ESR1: variants seen among roughly 807,000 people sequenced by gnomAD.
The protein encoded by ESR1 is estrogen receptor 1, also known as estrogen receptor.
ESR1 carries 12 observed loss-of-function variants against 52.7 expected under a neutral mutation model. The ratio of observed to expected loss-of-function variants is 0.23; its 90% CI spans 0.15 to 0.37. The LOEUF is 0.37. Ranked by LOEUF, ESR1 falls within the 10% of genes least tolerant of loss-of-function variation. The probability of loss-of-function intolerance (pLI) is 1.00; values close to 1 mark genes in which losing one functional copy is unlikely to be tolerated. For synonymous variants in ESR1, 305 were observed against 316.8 expected (o/e 0.96, Z 0.39); for missense variants, 584 against 779.7 (o/e 0.75, Z 2.99).
chr6:151,818,786 A>G (rs181458641), intron 1 of ESR1, among the ~76,000 whole-genome samples: 1 of 149,612 alleles, frequency 6.7e-6, no homozygotes, highest in East Asian at 2.0e-4. Flanking sequence ...TGTACTACCT[A>G]AAGTGTGTAT....
At chr6:151,789,950 A>C (rs536812690) in intron 2 of ESR1, among the ~76,000 whole-genome samples, 32 of 152,172 alleles carry the variant, frequency 2.1e-4, no homozygotes, top group Admixed American at 5.9e-4. Flanking sequence ...CGTTGGCGTG[A>C]GTTGTTGTTG....
chr6:152,034,362 G>C (rs1421613402), intron 5 of ESR1, among the ~76,000 whole-genome samples: 2 of 152,000 alleles, frequency 1.3e-5, no homozygotes, highest in Non-Finnish European at 2.9e-5. Context: ...TTAGGGGCCT[G>C]TTCATACATA....
At chr6:151,773,028 A>G (rs1785641650) in intron 2 of ESR1, among the ~76,000 whole-genome samples, 1 of 152,196 alleles carries the variant, frequency 6.6e-6, no homozygotes. Context: ...AAACCCCAGT[A>G]TCCTAGAATG....
intron 3 of ESR1, among the ~76,000 whole-genome samples, chr6:151,898,929 G>C (rs1160764391): frequency 1.3e-5 from 2 of 152,018 alleles, no homozygotes; most frequent in African/African-American, 4.8e-5. Context: ...CCTCCCAGAC[G>C]GGGTGGTGGC....
At chr6:151,957,285 C>T (rs184578015) in intron 4 of ESR1, among the ~76,000 whole-genome samples, 27 of 152,016 alleles carry the variant, frequency 1.8e-4, no homozygotes, top group East Asian at 3.9e-4. Context: ...TTGGTGATTT[C>T]GAGGATTTGG....
intron 2 of ESR1, among the ~76,000 whole-genome samples, chr6:151,867,440 CACAA>C (rs1489051864): frequency 1.3e-5 from 2 of 151,690 alleles, no homozygotes; most frequent in African/African-American, 2.4e-5. Flanking sequence ...CACACACACA[CACAA>C]ACAACCCCAT....
At chr6:152,071,400 A>G (rs1003398951) in intron 6 of ESR1, among the ~76,000 whole-genome samples, 2 of 152,104 alleles carry the variant, frequency 1.3e-5, no homozygotes, top group African/African-American at 4.8e-5. Context: ...TGTAGGGTTA[A>G]GAACGAGGGA....
Position 152,061,265 on chromosome 6 carries a change from A to G in ESR1, c.1369+141A>G, listed in dbSNP as rs1472580627. ...GACACACGTTTTAAAATAACCTACC[A>G]ACATTGCAGATTCCTTATAAAGGTA... On this transcript the variant is annotated intron_variant, in intron 6 of 7. Transcript: ENST00000206249. The surrounding 1 kb of genome is among the most constrained non-coding windows in gnomAD (Gnocchi z 4.3). 6 of 813,506 alleles carry G rather than the reference A, an allele frequency of 7.4e-6. No individual in the cohort carries two copies. Among genetic ancestry groups the G allele is most frequent in the South Asian group, 2.9e-5 (2 of 68,476 alleles). 50.4% of individuals were successfully genotyped at this position (813,506 alleles called of 1,614,324 possible). A position where few individuals can be genotyped will look rare whatever the true frequency, so the allele number is the denominator to read the frequency against.
intron 3 of ESR1, among the ~76,000 whole-genome samples, chr6:151,932,434 C>T (rs1477260867): frequency 2.3e-5 from 3 of 128,950 alleles, no homozygotes. Context: ...GTTTCTTTTG[C>T]TGTGCAGAAG....
At chr6:151,844,098 G>T (rs1784725745) in intron 2 of ESR1, among the ~76,000 whole-genome samples, 1 of 151,024 alleles carries the variant, frequency 6.6e-6, no homozygotes, top group Admixed American at 6.6e-5. Context: ...TAATCTTTGT[G>T]TGTGTATATA....
chr6:151,716,682 C>A (rs1273973514), intron 2 of ESR1, among the ~76,000 whole-genome samples: 2 of 152,154 alleles, frequency 1.3e-5, no homozygotes, highest in South Asian at 2.1e-4. Flanking sequence ...GCCCCTCCCC[C>A]CACCAAGCTT....
At chr6:151,958,785 A>G (rs1212531717) in intron 4 of ESR1, among the ~76,000 whole-genome samples, 1 of 152,220 alleles carries the variant, frequency 6.6e-6, no homozygotes, top group Non-Finnish European at 1.5e-5. Flanking sequence ...GTGAACAGAC[A>G]TTGAATAGTT....
chr6:151,944,539 C>T, intron 4 of ESR1, 31 bp downstream of exon 4: 5 of 1,587,538 alleles, frequency 3.1e-6, no homozygotes, highest in Non-Finnish European at 2.6e-6. Flanking sequence ...TTTTAAGAGT[C>T]AATAGCTTTT....
chr6:152,049,455 A>T (rs777413361), intron 5 of ESR1, among the ~76,000 whole-genome samples: 3 of 152,222 alleles, frequency 2.0e-5, no homozygotes, highest in Non-Finnish European at 4.4e-5. Context: ...TAAGAAAGAC[A>T]ATTGGACATC....
intron 2 of ESR1, among the ~76,000 whole-genome samples, chr6:151,722,399 C>T (rs918325600): frequency 1.3e-5 from 2 of 152,152 alleles, no homozygotes; most frequent in African/African-American, 4.8e-5. Context: ...TTGGAAAGAG[C>T]CTGGCTTAGG....
chr6:151,819,886 A>T (rs1780283396), intron 1 of ESR1, among the ~76,000 whole-genome samples: 1 of 152,172 alleles, frequency 6.6e-6, no homozygotes, highest in East Asian at 1.9e-4. Context: ...AGATTTCCTA[A>T]TTCATTTATC....
chr6:151,961,709 G>C (rs773116426), intron 4 of ESR1, among the ~76,000 whole-genome samples: 6 of 152,182 alleles, frequency 3.9e-5, no homozygotes, highest in Non-Finnish European at 7.3e-5. Context: ...CATCAGCTGA[G>C]AGTGAACATG....
chr6:151,711,065 C>T (rs1160708732), intron 2 of ESR1, among the ~76,000 whole-genome samples: 1 of 152,110 alleles, frequency 6.6e-6, no homozygotes, highest in Non-Finnish European at 1.5e-5. Flanking sequence ...GGTATATACC[C>T]AGTAATGGGA....
chr6:151,874,193 T>A (rs1791438196), intron 2 of ESR1, among the ~76,000 whole-genome samples: 2 of 152,222 alleles, frequency 1.3e-5, no homozygotes, highest in Non-Finnish European at 2.9e-5. Flanking sequence ...GTTTATTCCT[T>A]AATGGGACGA....
Sources: gnomAD v4.1 joint callset for allele counts (sites outside exome capture counted in the v4.1 genomes callset) on GRCh38, gnomAD v4.1.1 for gene constraint, Gnocchi (gnomAD v3.1) non-coding constraint, MANE v1.5 for transcripts, NCBI Gene and HGNC (gene_info 2026-07-23, HGNC 2026-07-21) for gene names.